HECTD4: variants seen among roughly 807,000 people sequenced by gnomAD.
HECTD4 encodes the protein probable E3 ubiquitin-protein ligase HECTD4.
In HECTD4, 114 loss-of-function variants were observed where a neutral mutation model predicts 471.5. The ratio of observed to expected loss-of-function variants is 0.24; its 90% CI spans 0.21 to 0.28. HECTD4 has a LOEUF of 0.28. Among genes scored for constraint, HECTD4 ranks in the 10% least tolerant of loss-of-function variants. The pLI, the probability that HECTD4 is intolerant of heterozygous loss-of-function variation, is 1.00. For missense variants in HECTD4, 3,866 were observed against 5,651.5 expected (o/e 0.68, Z 10.13); for synonymous variants, 2,012 against 2,256.0 (o/e 0.89, Z 3.07).
intron 7 of HECTD4, among the ~76,000 whole-genome samples, chr12:112,288,547 A>T (rs1329239868): frequency 6.6e-6 from 1 of 152,088 alleles, no homozygotes; most frequent in African/African-American, 2.4e-5. Flanking sequence ...GCTTGAGCCC[A>T]GAGTGGGGAG....
At position 112,162,850 on chromosome 12, in the gene HECTD4, T is replaced by A; in HGVS notation, c.13120+192A>T. ...TCTGGATTTTCAGCTTCTTTTAAGA[T>A]ATGAGAAAGTATCTAACAGCAGGCC... On this transcript the variant is annotated intron_variant, in intron 75 of 75. Coordinates refer to ENST00000682272, the MANE Select transcript of HECTD4 (RefSeq NM_001388303.1). This position sits in a 1 kb window ranked among gnomAD's most constrained non-coding sequence, Gnocchi z 5.2. 1 of 567,668 alleles carries A rather than the reference T, an allele frequency of 1.8e-6. No individual in the cohort carries two copies. Among genetic ancestry groups the A allele is most frequent in the South Asian group, 2.6e-5 (1 of 38,994 alleles). The allele number at this position is 567,668 out of a possible 1,614,324, so 35.2% of individuals were successfully genotyped here. A position where few individuals can be genotyped will look rare whatever the true frequency, so the allele number is the denominator to read the frequency against.
At position 112,216,887 on chromosome 12, in the gene HECTD4, G is replaced by T. The variant is rs1240841652; in HGVS notation, c.7271C>A (p.Ser2424Tyr). The stretch of plus-strand genomic sequence containing the variant: ...GGTGTCATCATCGGTGTCTCCATAG[G>T]AAACGATTTCAATTTCCCAGTAAAA... ...PSFYWEIEIV[S>Y]YGDTDDDTGP... The change falls in exon 47 of 76, where the codon TCC becomes TAC. Residue 2424 changes from serine to tyrosine, a missense_variant. By Grantham distance (144) the Ser-to-Tyr change is moderately radical. This residue lies in a region of HECTD4 where 617 missense variants were observed against 915.1 expected (regional missense o/e 0.67). Transcript: ENST00000682272. 4 of 1,613,886 alleles carry T rather than the reference G, an allele frequency of 2.5e-6. No individual in the cohort carries two copies. In the Admixed American group the frequency reaches 6.7e-5, roughly 27 times the overall value.
intron 10 of HECTD4, 41 bp downstream of exon 10, chr12:112,274,806 A>C (rs2034491822): frequency 7.8e-7 from 1 of 1,288,468 alleles, no homozygotes; most frequent in Non-Finnish European, 1.1e-6. Context: ...ATTTGCTAAA[A>C]CTTGAAATTT....
At chr12:112,176,128 A>G (rs1284915098) in intron 65 of HECTD4, among the ~76,000 whole-genome samples, 1 of 152,198 alleles carries the variant, frequency 6.6e-6, no homozygotes, top group Non-Finnish European at 1.5e-5. Flanking sequence ...GAATCTCTAA[A>G]ACATCCCCGA....
At chr12:112,315,683 C>G (rs1308069563) in intron 2 of HECTD4, among the ~76,000 whole-genome samples, 1 of 152,048 alleles carries the variant, frequency 6.6e-6, no homozygotes, top group Non-Finnish European at 1.5e-5. Context: ...GAACTATTAA[C>G]CAACTCTAAG....
Position 112,376,957 on chromosome 12 carries a change from C to T in HECTD4, c.177+4995G>A, listed in dbSNP as rs903824407. ...GTGAAACTCATCTCTACTAAAAATA[C>T]AAAAATTAGCCAGGCGTGGTGGTGC... On this transcript the variant is annotated intron_variant, in intron 1 of 75. Coordinates refer to ENST00000682272, the MANE Select transcript of HECTD4 (RefSeq NM_001388303.1). Among the ~76,000 whole-genome samples, 8 of 151,988 alleles carry T rather than the reference C, an allele frequency of 5.3e-5. No individual in the cohort carries two copies. The East Asian group carries it at 1.6e-3, about 30-fold the overall frequency.
intron 1 of HECTD4, among the ~76,000 whole-genome samples, chr12:112,335,259 C>CT (rs1379271431): frequency 2.6e-5 from 4 of 152,076 alleles, no homozygotes; most frequent in Non-Finnish European, 2.9e-5. Flanking sequence ...GACTATTACT[C>CT]TAAGTGAAGT....
At position 112,235,636 on chromosome 12, in the gene HECTD4, A is replaced by G. The variant is rs1159070405; in HGVS notation, c.5593T>C (p.Cys1865Arg). 6.2e-7 allele frequency: 1 copy of G among 1,613,936 alleles called. No individual in the cohort carries two copies. Among genetic ancestry groups the G allele is most frequent in the African/African-American group, 1.3e-5 (1 of 74,946 alleles). ...AALPLMSVED[C>R]GNVELPPWSY... ...CAGGGTGGGAGCTCCACGTTTCCAC[A>G]GTCTTCTACGCTCATCAGGGGCAGC... The change falls in exon 36 of 76, where the codon TGT becomes CGT. Residue 1865 changes from cysteine (C) to arginine (R), a missense_variant. Cys to Arg is a radical substitution (Grantham distance 180). Around this residue, in one of 16 missense-constraint regions of HECTD4, gnomAD observed 617 missense variants for 915.1 expected, o/e 0.67. Transcript: ENST00000682272. This position sits in a 1 kb window ranked among gnomAD's most constrained non-coding sequence, Gnocchi z 5.0.
intron 68 of HECTD4, 77 bp downstream of exon 68, chr12:112,171,040 G>T: frequency 2.3e-6 from 3 of 1,305,500 alleles, no homozygotes; most frequent in Non-Finnish European, 2.1e-6. Flanking sequence ...CAAGGACGCT[G>T]CCCGTGGATT....
At position 112,161,235 on chromosome 12, in the gene HECTD4, A is replaced by T. The variant is rs1332787623; in HGVS notation, c.*1152T>A. On this transcript the variant is annotated 3_prime_UTR_variant, in exon 76 of 76. Coordinates refer to ENST00000682272, the MANE Select transcript of HECTD4 (RefSeq NM_001388303.1). ...GCTCATGAACAAAGTACCACTGGAC[A>T]AAGACCTATTTGGGGCAAAGATGCA... is the stretch of plus-strand genomic sequence containing the variant. 1 of 147,440 alleles carries T rather than the reference A, an allele frequency of 6.8e-6. No homozygotes were observed. Among genetic ancestry groups the T allele is most frequent in the African/African-American group, 2.6e-5 (1 of 38,298 alleles). The allele number at this position is 147,440 out of a possible 1,614,324, so 9.1% of individuals were successfully genotyped here. A position where few individuals can be genotyped will look rare whatever the true frequency, so the allele number is the denominator to read the frequency against.
Position 112,265,314 on chromosome 12 carries a change from A to G in HECTD4, c.2499-19T>C, listed in dbSNP as rs1448242292. 1.4e-6 allele frequency: 2 copies of G among 1,471,628 alleles called. No homozygotes were observed. Among genetic ancestry groups the G allele is most frequent in the Admixed American group, 1.9e-5 (1 of 52,000 alleles). 91.2% of individuals were successfully genotyped at this position (1,471,628 alleles called of 1,614,324 possible). ...ATTTAGTCTTTAAAATGCAGGAAAA[A>G]TGTAACAATAAAATATTGATGGTTT... On this transcript the variant is annotated intron_variant, in intron 15 of 75. Coordinates refer to ENST00000682272, the MANE Select transcript of HECTD4 (RefSeq NM_001388303.1).
At chr12:112,231,765 A>G in intron 38 of HECTD4, 50 bp from the exon 39 acceptor site, 2 of 1,482,888 alleles carry the variant, frequency 1.3e-6, no homozygotes, top group South Asian at 1.2e-5. Context: ...TCTTCCCAGC[A>G]CTATATTTTT....
chr12:112,371,130 A>AT (rs1254738726), intron 1 of HECTD4, among the ~76,000 whole-genome samples: 1 of 152,228 alleles, frequency 6.6e-6, no homozygotes, highest in East Asian at 1.9e-4. Flanking sequence ...AACAGGTAGT[A>AT]TTTTATGACA....
At chr12:112,222,560 G>A (rs536450985) in intron 44 of HECTD4, among the ~76,000 whole-genome samples, 19 of 152,278 alleles carry the variant, frequency 1.2e-4, no homozygotes, top group African/African-American at 4.6e-4. Flanking sequence ...CTAGCTACTC[G>A]GTAGGCTGAG....
rs768054036 is a variant in HECTD4 at position 112,173,337 on chromosome 12, C to T, written c.11595-476G>A. Among the ~76,000 whole-genome samples, 1 of 151,692 alleles carries T rather than the reference C, an allele frequency of 6.6e-6. No individual in the cohort carries two copies. Among genetic ancestry groups the T allele is most frequent in the African/African-American group, 2.4e-5 (1 of 41,312 alleles). ...TCCCCAGTAGCTGGGACCACAAGTG[C>T]GAGCCACTTTGCTTGCCTAATTTTA... On this transcript the variant is annotated intron_variant, in intron 66 of 75. Transcript: ENST00000682272. The surrounding 1 kb of genome is among the most constrained non-coding windows in gnomAD (Gnocchi z 4.3).
In HECTD4 at chr12:112,260,073, T is replaced by C. The variant is rs115188218; in HGVS notation, c.2874-808A>G. On this transcript the variant is annotated intron_variant, in intron 18 of 75. Transcript: ENST00000682272. ...CCACCATCCATCTCCACAACTCTTT[T>C]TGTGTTATAAAACCCAAACTCTATG... 7.6e-3 allele frequency among the ~76,000 whole-genome samples: 1,151 copies of C among 152,302 alleles called. 14 individuals are homozygous for C. The highest frequency in any genetic ancestry group is 0.025 in the African/African-American group (1,059 of 41,552).
At chr12:112,216,400 A>G (rs1365322682) in intron 47 of HECTD4, 29 bp from the exon 48 acceptor site, 1 of 1,456,112 alleles carries the variant, frequency 6.9e-7, no homozygotes, top group East Asian at 2.5e-5. Context: ...AGGGAGGTCA[A>G]AGACAAGAAA....
chr12:112,379,032 A>C (rs762924581), intron 1 of HECTD4, among the ~76,000 whole-genome samples: 3 of 151,886 alleles, frequency 2.0e-5, no homozygotes, highest in Non-Finnish European at 2.9e-5. Flanking sequence ...ACAGAGCAAG[A>C]CTCCGTCTCA....
At chr12:112,242,835 C>T (rs1357813042) in intron 32 of HECTD4, among the ~76,000 whole-genome samples, 3 of 152,020 alleles carry the variant, frequency 2.0e-5, no homozygotes, top group Non-Finnish European at 4.4e-5. Flanking sequence ...CACTTGAACC[C>T]GGGAGGCAGA....
Sources: gnomAD v4.1 joint callset for allele counts (sites outside exome capture counted in the v4.1 genomes callset) on GRCh38, gnomAD v4.1.1 for gene constraint, gnomAD v4.1.1 regional missense constraint, Gnocchi (gnomAD v3.1) non-coding constraint, MANE v1.5 for transcripts, NCBI Gene and HGNC (gene_info 2026-07-23, HGNC 2026-07-21) for gene names.